Variants in ARHGEF3 observed in about 807,000 individuals in gnomAD.
The protein encoded by ARHGEF3 is Rho guanine nucleotide exchange factor 3, also known as 59.8 kDA protein.
A neutral mutation model predicts 63.2 loss-of-function variants in ARHGEF3; 28 were observed. The ratio of observed to expected loss-of-function variants is 0.44; its 90% CI spans 0.33 to 0.61. The LOEUF is 0.61. ARHGEF3 is among the 20% of genes least tolerant of loss of function. The pLI is 0.03. For synonymous variants in ARHGEF3, 266 were observed against 254.2 expected, an observed-to-expected ratio of 1.05 and a Z score of -0.44; for missense variants, 533 against 659.3, an observed-to-expected ratio of 0.81 and a Z score of 2.10.
intron 2 of ARHGEF3, among the ~76,000 whole-genome samples, chr3:56,981,961 T>C (rs1214800671): frequency 2.0e-5 from 3 of 152,218 alleles, no homozygotes; most frequent in Non-Finnish European, 4.4e-5. Flanking sequence ...GCTCCAGAGA[T>C]GGGCATGTAA....
chr3:56,983,808 C>T (rs910629296), intron 2 of ARHGEF3, among the ~76,000 whole-genome samples: 6 of 152,062 alleles, frequency 3.9e-5, no homozygotes, highest in South Asian at 4.1e-4. Flanking sequence ...TGGTGGTGCA[C>T]GCCTGTAGTC....
intron 2 of ARHGEF3, among the ~76,000 whole-genome samples, chr3:56,758,764 C>T (rs1167057975): frequency 6.6e-6 from 1 of 152,188 alleles, no homozygotes; most frequent in Non-Finnish European, 1.5e-5. Context: ...ATCGCCAGCA[C>T]TCGGAATCAA....
intron 3 of ARHGEF3, among the ~76,000 whole-genome samples, chr3:56,941,623 T>C (rs1699191401): frequency 6.6e-6 from 1 of 152,152 alleles, no homozygotes; most frequent in Non-Finnish European, 1.5e-5. Context: ...TTTTAATTAT[T>C]CTACGTGTAT....
rs531230442 is a variant in ARHGEF3 at position 56,982,426 on chromosome 3, T to C, written c.63-23537A>G. 2.6e-5 allele frequency among the ~76,000 whole-genome samples: 4 copies of C among 152,192 alleles called. No individual in the cohort carries two copies. The South Asian group carries it at 6.3e-4, about 24-fold the overall frequency. On this transcript the variant is annotated intron_variant, in intron 2 of 12. Transcript: ENST00000338458. ...CAGTAAGCACTTAATTCATGTGTAA[T>C]GGAGCGAAACCCCTCCTTCAGGGCT...
chr3:56,775,203 G>A, intron 1 of ARHGEF3: 1 of 1,454,012 alleles, frequency 6.9e-7, no homozygotes, highest in Admixed American at 2.5e-5. Flanking sequence ...AGATTCTCCA[G>A]GATATTTCTG....
chr3:56,867,701 G>A (rs771843396), intron 4 of ARHGEF3, among the ~76,000 whole-genome samples: 4 of 152,156 alleles, frequency 2.6e-5, no homozygotes, highest in Non-Finnish European at 5.9e-5. Flanking sequence ...GAGCTCCTGA[G>A]CTCAAGCAAT....
At chr3:57,053,737 T>C (rs1044856143) in intron 1 of ARHGEF3, among the ~76,000 whole-genome samples, 7 of 152,210 alleles carry the variant, frequency 4.6e-5, no homozygotes, top group African/African-American at 1.7e-4. Context: ...GTCTGAAATG[T>C]ACATAAATGG....
intron 1 of ARHGEF3, chr3:57,035,201 A>G: frequency 1.5e-6 from 2 of 1,296,576 alleles, no homozygotes; most frequent in Non-Finnish European, 2.1e-6. Flanking sequence ...AAAACAACCA[A>G]CATTTATCAT....
At chr3:57,014,575 CTA>C (rs1201915927) in intron 2 of ARHGEF3, among the ~76,000 whole-genome samples, 5 of 152,166 alleles carry the variant, frequency 3.3e-5, no homozygotes, top group Admixed American at 6.5e-5. Flanking sequence ...AATTAGAAAA[CTA>C]TATTTCTTTA....
At chr3:56,916,277 G>A (rs937986074) in intron 3 of ARHGEF3, 112 of 1,531,316 alleles carry the variant, frequency 7.3e-5, no homozygotes, top group Non-Finnish European at 9.5e-5. Flanking sequence ...TTGAGAGCCG[G>A]CCCATCCCAG....
chr3:56,907,110 T>C (rs2041711036), intron 3 of ARHGEF3, among the ~76,000 whole-genome samples: 2 of 147,878 alleles, frequency 1.4e-5, no homozygotes, highest in South Asian at 2.3e-4. Context: ...GCCTCCCAAA[T>C]AGCTGGGATT....
At chr3:57,052,390 G>A (rs958301568) in intron 1 of ARHGEF3, among the ~76,000 whole-genome samples, 31 of 152,114 alleles carry the variant, frequency 2.0e-4, no homozygotes, top group Admixed American at 1.6e-3. Flanking sequence ...TCCACCTCCC[G>A]GGTTCAAGCA....
At chr3:56,860,041 G>GAGATAGATAGAT (rs71072201) in intron 4 of ARHGEF3, among the ~76,000 whole-genome samples, 2,211 of 150,358 alleles carry the variant, frequency 0.015, 29 homozygotes, top group Middle Eastern at 0.031. Flanking sequence ...GGTCTCAAGA[G>GAGATAGATAGAT]AGATAGATAG....
At chr3:57,041,100 A>G (rs1206651793) in intron 1 of ARHGEF3, among the ~76,000 whole-genome samples, 1 of 151,648 alleles carries the variant, frequency 6.6e-6, no homozygotes, top group Admixed American at 6.6e-5. Flanking sequence ...TATCTCCCCA[A>G]ACAAACTGCA....
chr3:56,914,076 T>C (rs1392826475), intron 3 of ARHGEF3, among the ~76,000 whole-genome samples: 2 of 152,130 alleles, frequency 1.3e-5, no homozygotes, highest in African/African-American at 4.8e-5. Context: ...AGTTAAGCTA[T>C]GAGGACGCAA....
intron 4 of ARHGEF3, among the ~76,000 whole-genome samples, chr3:56,811,063 C>T (rs1437357273): frequency 6.6e-6 from 1 of 152,184 alleles, no homozygotes; most frequent in Non-Finnish European, 1.5e-5. Context: ...TCCAAACAAA[C>T]GTGCACTGAG....
At chr3:57,073,886 C>T (rs151008331) in intron 1 of ARHGEF3, 1 of 1,614,196 alleles carries the variant, frequency 6.2e-7, no homozygotes, top group East Asian at 2.2e-5. Context: ...CAGGAGCAGC[C>T]TCTGCCCTCC....
chr3:56,820,712 C>T (rs1021993227), intron 4 of ARHGEF3, among the ~76,000 whole-genome samples: 4 of 152,078 alleles, frequency 2.6e-5, no homozygotes, highest in Admixed American at 1.3e-4. Flanking sequence ...TGTACAAGGA[C>T]GTCTTTGAGA....
intron 2 of ARHGEF3, among the ~76,000 whole-genome samples, chr3:56,995,639 GAGAGAGAGAGAGAGAGAGAGAGA>G (rs1701947971): frequency 1.0e-5 from 1 of 98,662 alleles, no homozygotes; most frequent in Non-Finnish European, 2.2e-5. Context: ...GAGAGAGAGA[GAGAGAGAGAGAGAGAGAGAGAGA>G]GAGAGAGAGA....
Sources: gnomAD v4.1 joint callset for allele counts (sites outside exome capture counted in the v4.1 genomes callset) on GRCh38, gnomAD v4.1.1 for gene constraint, MANE v1.5 for transcripts, NCBI Gene and HGNC (gene_info 2026-07-23, HGNC 2026-07-21) for gene names.